Variants in DISC1 observed in about 807,000 individuals in gnomAD.
The protein encoded by DISC1 is disrupted in schizophrenia 1 protein.
In DISC1, 57 loss-of-function variants were observed where a neutral mutation model predicts 84.5. The ratio of observed to expected loss-of-function variants is 0.67; its 90% CI spans 0.55 to 0.84. The LOEUF is 0.84. Among genes scored for constraint, DISC1 ranks in the 40% least tolerant of loss-of-function variants. DISC1 has a pLI of 0.00. For synonymous variants in DISC1, 411 were observed against 415.2 expected (o/e 0.99, Z 0.12); for missense variants, 1,000 against 1,057.8 (o/e 0.95, Z 0.76).
At chr1:231,854,009 A>G (rs2125907413) in intron 9 of DISC1, among the ~76,000 whole-genome samples, 1 of 152,342 alleles carries the variant, frequency 6.6e-6, no homozygotes, top group South Asian at 2.1e-4. Flanking sequence ...TCCTAGACGA[A>G]GGGCCAAGCT....
chr1:231,770,725 T>C, intron 5 of DISC1, 110 bp from the exon 6 acceptor site: 2 of 1,533,816 alleles, frequency 1.3e-6, no homozygotes, highest in South Asian at 2.4e-5. Context: ...AGGGGAGTTT[T>C]GTAGTTCTGG....
chr1:231,634,860 A>G (rs1213336624), intron 1 of DISC1, among the ~76,000 whole-genome samples: 1 of 151,834 alleles, frequency 6.6e-6, no homozygotes, highest in Non-Finnish European at 1.5e-5. Flanking sequence ...GCAGTGCGCT[A>G]TGCTTGTGCC....
chr1:231,841,574 G>A (rs1021608074), intron 9 of DISC1, among the ~76,000 whole-genome samples: 1 of 152,186 alleles, frequency 6.6e-6, no homozygotes, highest in African/African-American at 2.4e-5. Context: ...TATCAGAGAG[G>A]GAGTTGCCTA....
intron 1 of DISC1, 54 bp downstream of exon 1, chr1:231,626,988 G>C: frequency 7.7e-7 from 1 of 1,298,162 alleles, no homozygotes; most frequent in Non-Finnish European, 1.0e-6. Flanking sequence ...CTGGCAAGGA[G>C]GGCGCGCTCT....
chr1:231,705,332 A>T (rs1328457935), intron 3 of DISC1, among the ~76,000 whole-genome samples: 14 of 150,292 alleles, frequency 9.3e-5, no homozygotes, highest in Admixed American at 2.7e-4. Context: ...AAAAAAAAAA[A>T]AATAAAGGCA....
At chr1:231,919,300 A>G (rs2089849329) in intron 9 of DISC1, among the ~76,000 whole-genome samples, 2 of 152,218 alleles carry the variant, frequency 1.3e-5, no homozygotes, top group Non-Finnish European at 2.9e-5. Context: ...GCATTAATGA[A>G]ACACCATTCA....
rs1381256222 is a variant in DISC1 at position 231,688,708 on chromosome 1, CT to C, written c.68-5117del. Among the ~76,000 whole-genome samples the C allele has an allele frequency of 5.9e-5, 9 of 152,310 alleles. No homozygotes were observed. The East Asian group carries it at 1.7e-3, about 29-fold the overall frequency. On this transcript the variant is annotated intron_variant, in intron 1 of 12. Transcript: ENST00000439617. ...AATTCCTGTAACAGTTTTTATATGC[CT>C]GACTGACATCCCTTCCTAAAGCATA... is the stretch of plus-strand genomic sequence containing the variant.
At chr1:231,633,664 A>G (rs759733856) in intron 1 of DISC1, among the ~76,000 whole-genome samples, 1 of 152,154 alleles carries the variant, frequency 6.6e-6, no homozygotes, top group Non-Finnish European at 1.5e-5. Flanking sequence ...ATTGATATTG[A>G]TCATTAACAC....
intron 10 of DISC1, among the ~76,000 whole-genome samples, chr1:232,000,824 T>C (rs1666588687): frequency 6.6e-6 from 1 of 152,034 alleles, no homozygotes; most frequent in Admixed American, 6.5e-5. Context: ...CAACCTACAA[T>C]CCTACATCCA....
At chr1:231,693,241 A>G (rs1347531246) in intron 1 of DISC1, among the ~76,000 whole-genome samples, 3 of 152,230 alleles carry the variant, frequency 2.0e-5, no homozygotes, top group Non-Finnish European at 2.9e-5. Context: ...TGGAGAACAC[A>G]TCAAGCAGGC....
At chr1:231,865,223 C>T (rs1030853188) in intron 9 of DISC1, among the ~76,000 whole-genome samples, 10 of 152,206 alleles carry the variant, frequency 6.6e-5, no homozygotes, top group Admixed American at 5.2e-4. Context: ...GGGAGTCTGA[C>T]AATTGCTGTA....
intron 1 of DISC1, among the ~76,000 whole-genome samples, chr1:231,641,304 C>T (rs142881890): frequency 0.037 from 5,585 of 152,032 alleles, 127 homozygotes; most frequent in Middle Eastern, 0.075. Flanking sequence ...CGGATGTGTT[C>T]GGAGTTTCTT....
intron 3 of DISC1, among the ~76,000 whole-genome samples, chr1:231,736,811 G>A (rs1418709991): frequency 6.6e-6 from 1 of 152,164 alleles, no homozygotes. Flanking sequence ...AGCTTTAAAA[G>A]ACCTCCTTAG....
chr1:231,854,880 C>T (rs1361327773), intron 9 of DISC1: 1 of 447,946 alleles, frequency 2.2e-6, no homozygotes, highest in South Asian at 1.7e-5. Context: ...CCATGCCTGG[C>T]TAATTTTGTA....
At chr1:231,696,955 G>A (rs1185177043) in intron 2 of DISC1, among the ~76,000 whole-genome samples, 2 of 152,170 alleles carry the variant, frequency 1.3e-5, no homozygotes, top group Admixed American at 6.5e-5. Flanking sequence ...GTGTGACAGC[G>A]GAATTAACAG....
At chr1:231,720,862 G>C (rs2069575649) in intron 3 of DISC1, 1 of 1,290,850 alleles carries the variant, frequency 7.7e-7, no homozygotes, top group South Asian at 1.2e-5. Context: ...GTTGGAGGAA[G>C]TTGCTACCAG....
At chr1:231,900,443 T>C (rs1188009782) in intron 9 of DISC1, among the ~76,000 whole-genome samples, 1 of 152,212 alleles carries the variant, frequency 6.6e-6, no homozygotes, top group African/African-American at 2.4e-5. Context: ...GGTTCACTAG[T>C]AGAAAAACCT....
chr1:231,689,522 G>C (rs1256917167), intron 1 of DISC1, among the ~76,000 whole-genome samples: 1 of 151,812 alleles, frequency 6.6e-6, no homozygotes, highest in Non-Finnish European at 1.5e-5. Context: ...AGTAGAGATG[G>C]GGCCTCGCCA....
At chr1:231,937,382 A>G (rs701158) in intron 9 of DISC1, among the ~76,000 whole-genome samples, 82,273 of 152,068 alleles carry the variant, frequency 0.54, 23,593 homozygotes, top group East Asian at 0.81. Context: ...TAGATTTTCC[A>G]TAGGCATTTA....
Sources: gnomAD v4.1 joint callset for allele counts (sites outside exome capture counted in the v4.1 genomes callset) on GRCh38, gnomAD v4.1.1 for gene constraint, MANE v1.5 for transcripts, NCBI Gene and HGNC (gene_info 2026-07-23, HGNC 2026-07-21) for gene names.